SORCS2: variants seen among roughly 807,000 people sequenced by gnomAD.
The protein encoded by SORCS2 is VPS10 domain-containing receptor SorCS2.
A neutral mutation model predicts 141.6 loss-of-function variants in SORCS2; 100 were observed. That is an observed-to-expected ratio of 0.71 (90% CI 0.60 to 0.83). SORCS2 has a LOEUF of 0.83. Among genes scored for constraint, SORCS2 ranks in the 40% least tolerant of loss-of-function variants. SORCS2 has a pLI of 0.00. For missense variants in SORCS2, 1,646 were observed against 1,560.2 expected (o/e 1.05, Z -0.93); for synonymous variants, 789 against 676.9 (o/e 1.17, Z -2.57).
chr4:7,382,480 G>A (rs62280086), intron 1 of SORCS2, among the ~76,000 whole-genome samples: 32,458 of 152,096 alleles, frequency 0.21, 3,417 homozygotes, highest in Middle Eastern at 0.28. Context: ...TGAGTTTGAA[G>A]CTGATTGCCA....
chr4:7,676,356 C>A (rs1025461723), intron 9 of SORCS2, 127 bp downstream of exon 9: 50 of 977,882 alleles, frequency 5.1e-5, no homozygotes, highest in Admixed American at 2.0e-4. Flanking sequence ...CTGCACACAT[C>A]TTCTGTACAC....
In SORCS2 at chr4:7,192,548, C is replaced by A. The variant is rs1224483982; in HGVS notation, c.-99C>A. 2.1e-6 allele frequency: 2 copies of A among 959,364 alleles called. No homozygotes were observed. Among genetic ancestry groups the A allele is most frequent in the South Asian group, 4.7e-5 (1 of 21,378 alleles). 59.4% of individuals were successfully genotyped at this position (959,364 alleles called of 1,614,324 possible). On this transcript the variant is annotated 5_prime_UTR_variant, in exon 1 of 27. Transcript: ENST00000507866. The surrounding 1 kb of genome is among the most constrained non-coding windows in gnomAD (Gnocchi z 4.0). The stretch of plus-strand genomic sequence containing the variant: ...CTCCCCTCGCCGGCTCCTTTCTCTG[C>A]GCTCTCGCTCGCGCTCCCCAGCGCC...
chr4:7,536,351 G>A (rs1296861861), intron 3 of SORCS2, among the ~76,000 whole-genome samples: 1 of 152,202 alleles, frequency 6.6e-6, no homozygotes, highest in Non-Finnish European at 1.5e-5. Context: ...TGCAACAAGT[G>A]GGAACTCGGG....
intron 9 of SORCS2, among the ~76,000 whole-genome samples, chr4:7,680,133 C>T (rs987211974): frequency 1.3e-5 from 2 of 152,204 alleles, no homozygotes; most frequent in African/African-American, 4.8e-5. Flanking sequence ...CGGCACATTC[C>T]CCGGGCCTCC....
chr4:7,373,478 A>ATATATATATATTT (rs1470691140), intron 1 of SORCS2, among the ~76,000 whole-genome samples: 1 of 36,818 alleles, frequency 2.7e-5, no homozygotes, highest in East Asian at 2.2e-3. Context: ...ATATATATAT[A>ATATATATATATTT]TTTTTTTTTT....
chr4:7,270,876 G>T (rs572133000), intron 1 of SORCS2, among the ~76,000 whole-genome samples: 1 of 152,220 alleles, frequency 6.6e-6, no homozygotes, highest in African/African-American at 2.4e-5. Context: ...CAGCCCCACC[G>T]AAATGAAACA....
intron 3 of SORCS2, among the ~76,000 whole-genome samples, chr4:7,574,354 G>A (rs34234698): frequency 0.5 from 76,769 of 152,144 alleles, 20,349 homozygotes; most frequent in East Asian, 0.78. Flanking sequence ...CAGCTTGCCT[G>A]TTTACAGCCA....
intron 1 of SORCS2, among the ~76,000 whole-genome samples, chr4:7,231,115 A>G (rs1032251306): frequency 1.3e-5 from 2 of 152,246 alleles, no homozygotes; most frequent in African/African-American, 4.8e-5. Flanking sequence ...TCACATAAAG[A>G]TGGAGGCTGG....
rs749261733 is a variant in SORCS2 at position 7,712,723 on chromosome 4, C to G, written c.1869-10C>G. 5 of 1,613,930 alleles carry G rather than the reference C, an allele frequency of 3.1e-6. No homozygotes were observed. The highest frequency in any genetic ancestry group is 4.2e-6 in the Non-Finnish European group (5 of 1,179,850). On this transcript the variant is annotated splice_polypyrimidine_tract_variant and intron_variant, in intron 14 of 26. Coordinates refer to ENST00000507866, the MANE Select transcript of SORCS2 (RefSeq NM_020777.3). The stretch of plus-strand genomic sequence containing the variant: ...GGTTTTCTCTCCCTTCCCTCCTCTT[C>G]CCACCCCAGGGTCTTTGGCCACATC...
chr4:7,228,625 C>A (rs1172190033), intron 1 of SORCS2, among the ~76,000 whole-genome samples: 1 of 152,130 alleles, frequency 6.6e-6, no homozygotes, highest in Admixed American at 6.5e-5. Flanking sequence ...GGAGAAGGGG[C>A]CATCTCCAGG....
At chr4:7,575,231 C>T (rs548737015) in intron 3 of SORCS2, among the ~76,000 whole-genome samples, 42 of 152,198 alleles carry the variant, frequency 2.8e-4, no homozygotes, top group African/African-American at 9.2e-4. Flanking sequence ...ATATACGAGC[C>T]GTGTGTGTAA....
intron 1 of SORCS2, among the ~76,000 whole-genome samples, chr4:7,330,978 G>A (rs1719621448): frequency 6.6e-6 from 1 of 152,154 alleles, no homozygotes; most frequent in South Asian, 2.1e-4. Context: ...CGAGGGAGAG[G>A]AATGTGGGTG....
chr4:7,208,713 G>C (rs1727887171), intron 1 of SORCS2, among the ~76,000 whole-genome samples: 1 of 152,134 alleles, frequency 6.6e-6, no homozygotes, highest in Non-Finnish European at 1.5e-5. Context: ...AGTTTTTCTA[G>C]GGGATGCACT....
At chr4:7,425,788 C>T (rs146392336) in intron 2 of SORCS2, among the ~76,000 whole-genome samples, 3 of 152,204 alleles carry the variant, frequency 2.0e-5, no homozygotes, top group Non-Finnish European at 4.4e-5. Flanking sequence ...GTCCCCACCT[C>T]GCTGGAGAAA....
At chr4:7,428,283 G>A (rs967952632) in intron 2 of SORCS2, among the ~76,000 whole-genome samples, 8 of 152,332 alleles carry the variant, frequency 5.3e-5, no homozygotes, top group Middle Eastern at 3.4e-3. Flanking sequence ...ACCGCAGGGC[G>A]GCATCAGCAC....
Position 7,740,864 on chromosome 4 carries a change from A to T in SORCS2, c.*600A>T, listed in dbSNP as rs373814489. ...CTGCTGGCGGTGGTGGGGGTGTCTCACTCTCTGTCTTTATAGCCGGCGGTA... is the reference window on the plus strand; with the variant it reads ...CTGCTGGCGGTGGTGGGGGTGTCTCTCTCTCTGTCTTTATAGCCGGCGGTA... On this transcript the variant is annotated 3_prime_UTR_variant, in exon 27 of 27. Coordinates refer to ENST00000507866, the MANE Select transcript of SORCS2 (RefSeq NM_020777.3). 1.0e-5 allele frequency: 4 copies of T among 392,978 alleles called. No individual in the cohort carries two copies. The highest frequency in any genetic ancestry group is 4.2e-5 in the African/African-American group (2 of 48,070). The allele number at this position is 392,978 out of a possible 1,614,324, so 24.3% of individuals were successfully genotyped here.
chr4:7,620,183 C>G (rs1336577048), intron 3 of SORCS2, among the ~76,000 whole-genome samples: 1 of 152,170 alleles, frequency 6.6e-6, no homozygotes, highest in East Asian at 1.9e-4. Context: ...ATACGGGATT[C>G]TTACAGGTTT....
At chr4:7,564,898 G>C (rs186671807) in intron 3 of SORCS2, among the ~76,000 whole-genome samples, 1 of 152,298 alleles carries the variant, frequency 6.6e-6, no homozygotes, top group Admixed American at 6.5e-5. Context: ...TTAGTTACCT[G>C]TATCAACAGG....
chr4:7,419,048 A>T (rs1163041404), intron 2 of SORCS2, among the ~76,000 whole-genome samples: 1 of 152,248 alleles, frequency 6.6e-6, no homozygotes, highest in African/African-American at 2.4e-5. Flanking sequence ...CACTTCTGCA[A>T]ATCTCATTGG....
Sources: gnomAD v4.1 joint callset for allele counts (sites outside exome capture counted in the v4.1 genomes callset) on GRCh38, gnomAD v4.1.1 for gene constraint, Gnocchi (gnomAD v3.1) non-coding constraint, MANE v1.5 for transcripts, NCBI Gene and HGNC (gene_info 2026-07-23, HGNC 2026-07-21) for gene names.